The following PCDH15 variants were observed in gnomAD, a reference collection of about 807,000 sequenced individuals.
PCDH15 encodes the protein protocadherin related 15, also known as protocadherin-15.
A neutral mutation model predicts 178.5 loss-of-function variants in PCDH15; 129 were observed. That is an observed-to-expected ratio of 0.72 (90% CI 0.63 to 0.84). PCDH15 has a LOEUF of 0.84. PCDH15 is among the 40% of genes least tolerant of loss of function. The probability of loss-of-function intolerance (pLI) is 0.00; values close to 1 mark genes in which losing one functional copy is unlikely to be tolerated. For missense variants in PCDH15, 2,230 were observed against 2,099.9 expected, an observed-to-expected ratio of 1.06 and a Z score of -1.21; for synonymous variants, 800 against 732.0, an observed-to-expected ratio of 1.09 and a Z score of -1.50.
intron 2 of PCDH15, among the ~76,000 whole-genome samples, chr10:54,530,210 C>G (rs1321131913): frequency 6.6e-6 from 1 of 152,100 alleles, no homozygotes; most frequent in African/African-American, 2.4e-5. Flanking sequence ...AAAGTTAATT[C>G]TCCATTCATA....
At position 55,366,922 on chromosome 10, in the gene PCDH15, C is replaced by CGT. The variant is rs34339947; in HGVS notation, c.-155-200273_-155-200272dup. On this transcript the variant is annotated intron_variant, in intron 2 of 5. Coordinates refer to the PCDH15 transcript ENST00000613346. ...CATGTGTGTGTGTTTCATTTGTTTG[C>CGT]GTGTGTGTGTGTGTGTGTGTGTTTC... 5.8e-3 allele frequency among the ~76,000 whole-genome samples: 878 copies of CGT among 150,108 alleles called. 13 individuals carry two copies. The East Asian group carries it at 0.086, about 15-fold the overall frequency.
intron 1 of PCDH15, among the ~76,000 whole-genome samples, chr10:54,770,159 A>C (rs952181320): frequency 6.6e-6 from 1 of 152,136 alleles, no homozygotes; most frequent in Non-Finnish European, 1.5e-5. Flanking sequence ...AGGCATAGAA[A>C]ATTTGACTAG....
At chr10:54,044,987 C>A (rs921820577) in intron 18 of PCDH15, among the ~76,000 whole-genome samples, 1 of 152,120 alleles carries the variant, frequency 6.6e-6, no homozygotes, top group African/African-American at 2.4e-5. Context: ...CAATCATATG[C>A]ATAGGACCAC....
intron 2 of PCDH15, among the ~76,000 whole-genome samples, chr10:54,617,755 CAAAAAAAAA>C (rs71010398): frequency 2.6e-5 from 3 of 117,118 alleles, no homozygotes; most frequent in Admixed American, 8.7e-5. Context: ...TCTAAAAATA[CAAAAAAAAA>C]AAAAAAAAAA....
rs760949659 is a variant in PCDH15, at chr10:53,831,432, C to G, written c.4085G>C (p.Ser1362Thr). 6.2e-7 allele frequency: 1 copy of G among 1,614,192 alleles called. No homozygotes were observed. The highest frequency in any genetic ancestry group is 2.2e-5 in the East Asian group (1 of 44,878). The change falls in exon 30 of 38, where the codon AGC becomes ACC. Residue 1362 changes from serine to threonine, a missense_variant. Physicochemically the swap from Ser to Thr is moderately conservative, Grantham distance 58. Coordinates refer to ENST00000644397, the MANE Select transcript of PCDH15 (RefSeq NM_001384140.1). ...LEIRTPEAVTSIKKRGESLGY... is the reference protein window; with the variant it reads ...LEIRTPEAVTTIKKRGESLGY... ...TAGACTTTCTCCTCTCTTTTTAATG[C>G]TGGTCACTGCCTCTGGAGTCCGGAT...
intron 2 of PCDH15, among the ~76,000 whole-genome samples, chr10:54,942,757 T>C (rs1838096435): frequency 6.6e-6 from 1 of 152,052 alleles, no homozygotes; most frequent in Admixed American, 6.6e-5. Context: ...TTGCTGAAAT[T>C]ATTTTCAGTG....
At position 55,202,945 on chromosome 10, in the gene PCDH15, C is replaced by G. The variant is rs528392381; in HGVS notation, c.-155-36294G>C. ...AACTGTGAGTCAATTAAATCTCTTT[C>G]CTTCATAAATCATCCAGTCTTGGGT... On this transcript the variant is annotated intron_variant, in intron 1 of 5. Coordinates refer to the PCDH15 transcript ENST00000458638. Among the ~76,000 whole-genome samples the G allele has an allele frequency of 2.2e-4, 34 of 152,274 alleles. 1 individual carries two copies. In the South Asian group the frequency reaches 6.6e-3, roughly 30 times the overall value.
At chr10:55,487,797 A>G (rs1175484266) in intron 2 of PCDH15, among the ~76,000 whole-genome samples, 2 of 151,716 alleles carry the variant, frequency 1.3e-5, no homozygotes, top group East Asian at 3.9e-4. Flanking sequence ...CATGTCTTTT[A>G]GAGTCTGTTC....
At chr10:54,822,678 A>T (rs539874678) in intron 3 of PCDH15, among the ~76,000 whole-genome samples, 1 of 151,936 alleles carries the variant, frequency 6.6e-6, no homozygotes, top group Admixed American at 6.6e-5. Context: ...ATCACATGGT[A>T]ATTCTATTTT....
chr10:54,379,539 C>T (rs150754945), intron 3 of PCDH15, among the ~76,000 whole-genome samples: 68 of 152,136 alleles, frequency 4.5e-4, no homozygotes, highest in African/African-American at 1.5e-3. Flanking sequence ...ACTAGAACAA[C>T]GCACTAGGCC....
chr10:53,980,438 T>A (rs972674654), intron 21 of PCDH15, among the ~76,000 whole-genome samples: 1 of 141,110 alleles, frequency 7.1e-6, no homozygotes, highest in African/African-American at 2.6e-5. Context: ...TCTTCTCGAA[T>A]ATTACAGTGC....
At chr10:54,648,367 G>A (rs551069826) in intron 2 of PCDH15, among the ~76,000 whole-genome samples, 3 of 152,178 alleles carry the variant, frequency 2.0e-5, no homozygotes, top group African/African-American at 7.2e-5. Flanking sequence ...AGACAGCCAT[G>A]ATTTGATTAT....
At chr10:54,669,810 TG>T (rs2094629406) in intron 1 of PCDH15, among the ~76,000 whole-genome samples, 1 of 151,508 alleles carries the variant, frequency 6.6e-6, no homozygotes, top group African/African-American at 2.4e-5. Flanking sequence ...CCTAGCACTT[TG>T]GGAGGTTGGG....
At chr10:54,684,963 C>T (rs1197972376) in intron 1 of PCDH15, among the ~76,000 whole-genome samples, 1 of 151,848 alleles carries the variant, frequency 6.6e-6, no homozygotes, top group Non-Finnish European at 1.5e-5. Flanking sequence ...CTCTTGAACA[C>T]ATGGTATAGC....
intron 1 of PCDH15, among the ~76,000 whole-genome samples, chr10:54,664,919 A>T (rs1031281602): frequency 7.2e-5 from 11 of 151,734 alleles, no homozygotes; most frequent in Non-Finnish European, 1.5e-4. Context: ...TAAAAAAAAA[A>T]AAAAAAGAAA....
At chr10:55,364,352 G>A (rs1048252847) in intron 2 of PCDH15, among the ~76,000 whole-genome samples, 1 of 152,072 alleles carries the variant, frequency 6.6e-6, no homozygotes, top group African/African-American at 2.4e-5. Context: ...CTTTTTTAGT[G>A]GATATAGAAT....
intron 3 of PCDH15, among the ~76,000 whole-genome samples, chr10:54,814,571 T>C (rs1318598385): frequency 2.6e-5 from 4 of 152,104 alleles, no homozygotes; most frequent in Admixed American, 6.6e-5. Context: ...AAATGACAAG[T>C]CCTTATTGTA....
At chr10:55,300,101 T>C (rs894138776) in intron 1 of PCDH15, among the ~76,000 whole-genome samples, 11 of 152,218 alleles carry the variant, frequency 7.2e-5, no homozygotes, top group African/African-American at 2.7e-4. Flanking sequence ...CAGTCTGTAT[T>C]GTATGGTGAC....
intron 13 of PCDH15, among the ~76,000 whole-genome samples, chr10:54,169,554 A>G (rs2133589856): frequency 6.8e-6 from 1 of 147,436 alleles, no homozygotes; most frequent in African/African-American, 2.5e-5. Context: ...TTCCCTGACT[A>G]TTCCTGGACT....
Sources: gnomAD v4.1 joint callset for allele counts (sites outside exome capture counted in the v4.1 genomes callset) on GRCh38, gnomAD v4.1.1 for gene constraint, MANE v1.5 for transcripts, NCBI Gene and HGNC (gene_info 2026-07-23, HGNC 2026-07-21) for gene names.